The following PPP2R2C variants were observed in gnomAD, a reference collection of about 807,000 sequenced individuals.
PPP2R2C encodes the protein protein phosphatase 2 regulatory subunit Bgamma.
A neutral mutation model predicts 45.3 loss-of-function variants in PPP2R2C; 10 were observed. The ratio of observed to expected loss-of-function variants is 0.22; its 90% CI spans 0.14 to 0.37. The LOEUF is 0.37. PPP2R2C is among the 10% of genes least tolerant of loss of function. PPP2R2C has a pLI of 1.00. For synonymous variants in PPP2R2C, 257 were observed against 245.4 expected (o/e 1.05, Z -0.44); for missense variants, 308 against 619.7 (o/e 0.50, Z 5.34).
chr4:6,332,787 C>T lies in PPP2R2C; in HGVS notation c.960+775G>A, dbSNP rs979821390. Among the ~76,000 whole-genome samples the T allele has an allele frequency of 2.6e-5, 4 of 152,120 alleles. No homozygotes were observed. Among genetic ancestry groups the T allele is most frequent in the Non-Finnish European group, 5.9e-5 (4 of 68,018 alleles). The stretch of plus-strand genomic sequence containing the variant: ...GTGGCACCCCATGTGTGAGGAGTGA[C>T]ACGGTGAGGAACCGGCTGGGGTTTC... On this transcript the variant is annotated intron_variant, in intron 7 of 8. Transcript: ENST00000382599. The surrounding 1 kb of genome is among the most constrained non-coding windows in gnomAD (Gnocchi z 4.9).
At chr4:6,420,998 C>G in intron 1 of PPP2R2C, 4 of 985,232 alleles carry the variant, frequency 4.1e-6, no homozygotes, top group Non-Finnish European at 4.8e-6. Context: ...TGGTTCTCCT[C>G]GATGTGCCTG....
chr4:6,550,232 T>C (rs4689480), intron 1 of PPP2R2C, among the ~76,000 whole-genome samples: 67,374 of 151,692 alleles, frequency 0.44, 15,386 homozygotes, highest in East Asian at 0.75. Context: ...AAGCTTCCTG[T>C]TCCCCTCCTC....
At chr4:6,465,674 C>A (rs904117053) in intron 1 of PPP2R2C, among the ~76,000 whole-genome samples, 2 of 151,728 alleles carry the variant, frequency 1.3e-5, no homozygotes, top group East Asian at 1.9e-4. Context: ...AAAGCTTAAA[C>A]TCTTAGCGTG....
chr4:6,560,372 A>G (rs1230221524), intron 1 of PPP2R2C, among the ~76,000 whole-genome samples: 3 of 152,224 alleles, frequency 2.0e-5, no homozygotes, highest in Non-Finnish European at 4.4e-5. Flanking sequence ...TGACAGCAGC[A>G]GTGAGCTCCA....
intron 1 of PPP2R2C, among the ~76,000 whole-genome samples, chr4:6,387,277 A>C (rs1377374117): frequency 6.6e-6 from 1 of 152,178 alleles, no homozygotes; most frequent in Non-Finnish European, 1.5e-5. Flanking sequence ...GGATAAGCAC[A>C]AGGAAAATTA....
At chr4:6,365,291 T>C (rs1367533871) in intron 5 of PPP2R2C, among the ~76,000 whole-genome samples, 3 of 152,176 alleles carry the variant, frequency 2.0e-5, no homozygotes, top group East Asian at 1.9e-4. Context: ...ATCAGTGGTA[T>C]GTATCTGACA....
At chr4:6,544,844 G>T (rs548983385) in intron 1 of PPP2R2C, among the ~76,000 whole-genome samples, 1 of 152,154 alleles carries the variant, frequency 6.6e-6, no homozygotes, top group African/African-American at 2.4e-5. Context: ...TGCTACAATT[G>T]GAAAACAATG....
chr4:6,439,368 C>T (rs534540858), intron 1 of PPP2R2C, among the ~76,000 whole-genome samples: 50 of 152,292 alleles, frequency 3.3e-4, no homozygotes, highest in Non-Finnish European at 6.5e-4. Context: ...TACATTCATA[C>T]GGGGGTGCTT....
chr4:6,472,391 CG>C lies in PPP2R2C; in HGVS notation c.-163del. 1.3e-6 allele frequency: 1 copy of C among 767,138 alleles called. No individual in the cohort carries two copies. Among genetic ancestry groups the C allele is most frequent in the Non-Finnish European group, 1.6e-6 (1 of 632,964 alleles). 47.5% of individuals were successfully genotyped at this position (767,138 alleles called of 1,614,324 possible). On this transcript the variant is annotated 5_prime_UTR_variant, in exon 1 of 9. Transcript: ENST00000382599. ...ATCGCGGCAGGGGGACGGGCGGGGGCGGCCGGGGGCGGGCGCCGCGGTCAAG... is the reference window on the plus strand; with the variant it reads ...ATCGCGGCAGGGGGACGGGCGGGGGCGCCGGGGGCGGGCGCCGCGGTCAAG...
intron 1 of PPP2R2C, among the ~76,000 whole-genome samples, chr4:6,561,799 A>T (rs533655424): frequency 6.6e-6 from 1 of 152,306 alleles, no homozygotes; most frequent in South Asian, 2.1e-4. Flanking sequence ...TGCCAGCCGC[A>T]AGCAGGCTCT....
At position 6,471,996 on chromosome 4, in the gene PPP2R2C, AGGGTGGGATGGGATGGGGTG is replaced by A. The variant is rs1577208694; in HGVS notation, c.70+144_70+163del. 1.1e-4 allele frequency among the ~76,000 whole-genome samples: 4 copies of A among 35,844 alleles called. No homozygotes were observed. Among genetic ancestry groups the A allele is most frequent in the South Asian group, 8.3e-4 (1 of 1,202 alleles). 23.5% of individuals were successfully genotyped at this position (35,844 alleles called of 152,430 possible). On this transcript the variant is annotated intron_variant, in intron 1 of 8. Coordinates refer to ENST00000382599, the MANE Select transcript of PPP2R2C (RefSeq NM_020416.4). The surrounding 1 kb of genome is among the most constrained non-coding windows in gnomAD (Gnocchi z 5.6). ...GCTCCCTCCCTCCTGGGCCCCGGGCAGGGTGGGATGGGATGGGGTGGGGTGGGGTGGGATGGGGTGGGGTG... is the reference window on the plus strand; with the variant it reads ...GCTCCCTCCCTCCTGGGCCCCGGGCAGGGTGGGGTGGGATGGGGTGGGGTG...
chr4:6,496,748 C>G (rs62286093), intron 2 of PPP2R2C, among the ~76,000 whole-genome samples: 22,314 of 151,952 alleles, frequency 0.15, 1,847 homozygotes, highest in Non-Finnish European at 0.19. Flanking sequence ...GTAATCCCAG[C>G]TACTTGGGAG....
Position 6,513,746 on chromosome 4 carries a change from G to A in PPP2R2C, c.49+21525C>T, listed in dbSNP as rs149768296. ...ATCAGCAGTGCAGACCCATGAAAAGGGCGTGCACTGGGCCACACCCCAGAA... is the reference window on the plus strand; with the variant it reads ...ATCAGCAGTGCAGACCCATGAAAAGAGCGTGCACTGGGCCACACCCCAGAA... On this transcript the variant is annotated intron_variant, in intron 2 of 9. Transcript: ENST00000506140. Among the ~76,000 whole-genome samples the A allele has an allele frequency of 9.3e-3, 1,416 of 152,216 alleles. 11 individuals carry two copies. The highest frequency in any genetic ancestry group is 0.012 in the Non-Finnish European group (827 of 68,012).
chr4:6,422,445 C>G (rs1045858929), intron 1 of PPP2R2C, among the ~76,000 whole-genome samples: 2 of 152,210 alleles, frequency 1.3e-5, no homozygotes, highest in African/African-American at 4.8e-5. Context: ...CTAGAGAGAG[C>G]TTGAAAAATT....
At chr4:6,506,692 T>A (rs1485507977) in intron 2 of PPP2R2C, among the ~76,000 whole-genome samples, 1 of 152,200 alleles carries the variant, frequency 6.6e-6, no homozygotes, top group Non-Finnish European at 1.5e-5. Context: ...TCTGCTATAG[T>A]GGTTGGGCAG....
chr4:6,506,108 C>T (rs1361619112), intron 2 of PPP2R2C, among the ~76,000 whole-genome samples: 1 of 152,194 alleles, frequency 6.6e-6, no homozygotes, highest in African/African-American at 2.4e-5. Context: ...ATCCTACTCA[C>T]ATGACCTTCT....
chr4:6,499,795 C>T lies in PPP2R2C; in HGVS notation c.49+35476G>A, dbSNP rs553511871. Among the ~76,000 whole-genome samples the T allele has an allele frequency of 1.2e-3, 181 of 151,860 alleles. 1 individual carries two copies. The highest frequency in any genetic ancestry group is 4.3e-3 in the African/African-American group (179 of 41,464). On this transcript the variant is annotated intron_variant, in intron 2 of 9. Transcript: ENST00000506140. ...AAAAAAAAACAACTCCTACCCCAGA[C>T]ACCTGCTGGGCTCCCTCCTTACTTC...
At chr4:6,541,218 G>C (rs912811485) in intron 1 of PPP2R2C, among the ~76,000 whole-genome samples, 1 of 152,166 alleles carries the variant, frequency 6.6e-6, no homozygotes. Context: ...ATGAATTTCA[G>C]CTGGACACAC....
chr4:6,350,747 G>GT, intron 5 of PPP2R2C: 1 of 985,388 alleles, frequency 1.0e-6, no homozygotes, highest in African/African-American at 1.7e-5. Context: ...GAATAGACAA[G>GT]TGAGGCATGT....
Sources: gnomAD v4.1 joint callset for allele counts (sites outside exome capture counted in the v4.1 genomes callset) on GRCh38, gnomAD v4.1.1 for gene constraint, Gnocchi (gnomAD v3.1) non-coding constraint, MANE v1.5 for transcripts, NCBI Gene and HGNC (gene_info 2026-07-23, HGNC 2026-07-21) for gene names.